Variants in PPARGC1A observed in about 807,000 individuals in gnomAD.
PPARGC1A encodes PPARG coactivator 1 alpha, also known as peroxisome proliferator-activated receptor gamma coactivator 1-alpha.
PPARGC1A carries 25 observed loss-of-function variants against 88.7 expected under a neutral mutation model. The ratio of observed to expected loss-of-function variants is 0.28; its 90% CI spans 0.21 to 0.39. The LOEUF (loss-of-function observed/expected upper bound fraction) is 0.39. Among genes scored for constraint, PPARGC1A ranks in the 10% least tolerant of loss-of-function variants. The probability of loss-of-function intolerance (pLI) is 1.00; values close to 1 mark genes in which losing one functional copy is unlikely to be tolerated. For missense variants in PPARGC1A, 880 were observed against 968.7 expected, an observed-to-expected ratio of 0.91 and a Z score of 1.22; for synonymous variants, 363 against 355.6, an observed-to-expected ratio of 1.02 and a Z score of -0.24.
At chr4:23,847,117 C>A (rs1432329254) in intron 2 of PPARGC1A, among the ~76,000 whole-genome samples, 1 of 152,136 alleles carries the variant, frequency 6.6e-6, no homozygotes, top group Non-Finnish European at 1.5e-5. Context: ...TTAACATCTT[C>A]CCAGGTGAGA....
chr4:24,211,322 A>G, the PPARGC1A span, among the ~76,000 whole-genome samples: 1 of 152,182 alleles, frequency 6.6e-6, no homozygotes, highest in African/African-American at 2.4e-5. Context: ...TCCGATCTCA[A>G]TTTCACCAGA....
the PPARGC1A span, among the ~76,000 whole-genome samples, chr4:24,089,479 C>CTT: frequency 7.2e-6 from 1 of 138,944 alleles, no homozygotes; most frequent in Non-Finnish European, 1.6e-5. Context: ...ACTAGGATGC[C>CTT]TTTTTCTTTT....
chr4:24,207,349 CAAACACA>C, the PPARGC1A span, among the ~76,000 whole-genome samples: 1 of 152,172 alleles, frequency 6.6e-6, no homozygotes, highest in Admixed American at 6.5e-5. Flanking sequence ...AATACCCATA[CAAACACA>C]AAACAGGCCC....
chr4:24,048,047 T>C, the PPARGC1A span, among the ~76,000 whole-genome samples: 1 of 152,222 alleles, frequency 6.6e-6, no homozygotes, highest in South Asian at 2.1e-4. Context: ...CCAAAATGAA[T>C]GTCACTCATG....
chr4:24,280,044 A>G, the PPARGC1A span, among the ~76,000 whole-genome samples: 1 of 152,026 alleles, frequency 6.6e-6, no homozygotes, highest in Non-Finnish European at 1.5e-5. Context: ...TGCCCCACAC[A>G]TCCCGCCCCC....
At chr4:24,302,419 A>T in the PPARGC1A span, among the ~76,000 whole-genome samples, 7 of 152,202 alleles carry the variant, frequency 4.6e-5, no homozygotes, top group African/African-American at 1.7e-4. Context: ...AATGGTCAGC[A>T]TCTGACCACT....
At chr4:24,436,717 C>T in the PPARGC1A span, among the ~76,000 whole-genome samples, 19 of 139,232 alleles carry the variant, frequency 1.4e-4, no homozygotes, top group Admixed American at 2.9e-4. Flanking sequence ...ACAGAGCTGA[C>T]ATCGATTGGC....
intron 10 of PPARGC1A, among the ~76,000 whole-genome samples, chr4:23,806,881 A>G (rs556753551): frequency 7.2e-5 from 11 of 152,314 alleles, no homozygotes; most frequent in South Asian, 4.1e-4. Context: ...GGTAGTAGAG[A>G]GATGAACATT....
the PPARGC1A span, among the ~76,000 whole-genome samples, chr4:24,353,332 G>A: frequency 1.3e-5 from 2 of 151,346 alleles, no homozygotes; most frequent in Non-Finnish European, 2.9e-5. Flanking sequence ...GAACTGAAGT[G>A]GAGATTGAGA....
At chr4:24,324,468 G>GC in the PPARGC1A span, among the ~76,000 whole-genome samples, 2 of 151,432 alleles carry the variant, frequency 1.3e-5, no homozygotes, top group Admixed American at 6.6e-5. Flanking sequence ...CTCTGGGCTT[G>GC]CCCCTTCACT....
At chr4:23,991,942 A>T in the PPARGC1A span, among the ~76,000 whole-genome samples, 1 of 152,168 alleles carries the variant, frequency 6.6e-6, no homozygotes, top group Non-Finnish European at 1.5e-5. Flanking sequence ...GTTTGCATTA[A>T]GTTTCTAGTA....
the PPARGC1A span, among the ~76,000 whole-genome samples, chr4:24,160,851 T>A: frequency 5.3e-5 from 8 of 152,184 alleles, no homozygotes. Context: ...AGGGTAAAGT[T>A]GGGACCTACT....
At chr4:23,984,457 AC>A in the PPARGC1A span, among the ~76,000 whole-genome samples, 1 of 152,128 alleles carries the variant, frequency 6.6e-6, no homozygotes, top group Non-Finnish European at 1.5e-5. Context: ...CGATTTACCT[AC>A]CAAGGTTTCC....
chr4:24,083,700 T>C, the PPARGC1A span, among the ~76,000 whole-genome samples: 1 of 152,182 alleles, frequency 6.6e-6, no homozygotes, highest in Non-Finnish European at 1.5e-5. Context: ...CCATTCCTGA[T>C]GCCCTGAGGC....
chr4:24,164,502 C>A, the PPARGC1A span, among the ~76,000 whole-genome samples: 1 of 152,190 alleles, frequency 6.6e-6, no homozygotes, highest in African/African-American at 2.4e-5. Flanking sequence ...CAGCTTTGAG[C>A]TGAGCCTCCT....
the PPARGC1A span, among the ~76,000 whole-genome samples, chr4:24,196,734 T>C: frequency 1.3e-5 from 2 of 152,202 alleles, no homozygotes; most frequent in African/African-American, 2.4e-5. Context: ...TCCTAGTCCA[T>C]CTCAAATGCT....
At chr4:24,058,204 T>C in the PPARGC1A span, among the ~76,000 whole-genome samples, 2 of 152,166 alleles carry the variant, frequency 1.3e-5, no homozygotes, top group South Asian at 4.1e-4. Context: ...GACTGCTTTA[T>C]GAAGTCTAGG....
chr4:24,179,637 C>A, the PPARGC1A span, among the ~76,000 whole-genome samples: 2 of 152,184 alleles, frequency 1.3e-5, no homozygotes, highest in Non-Finnish European at 2.9e-5. Flanking sequence ...CACAGGCTCA[C>A]TGCAAAAGCA....
the PPARGC1A span, among the ~76,000 whole-genome samples, chr4:24,044,924 C>G: frequency 3.9e-5 from 6 of 152,312 alleles, no homozygotes; most frequent in African/African-American, 1.4e-4. Context: ...CTGGGCGGTG[C>G]TCAGAGAGAA....
Sources: gnomAD v4.1 joint callset for allele counts (sites outside exome capture counted in the v4.1 genomes callset) on GRCh38, gnomAD v4.1.1 for gene constraint, MANE v1.5 for transcripts, NCBI Gene and HGNC (gene_info 2026-07-23, HGNC 2026-07-21) for gene names.